AKR1C4: variants seen among roughly 807,000 people sequenced by gnomAD.
The protein encoded by AKR1C4 is aldo-keto reductase family 1 member C4.
Under a neutral mutation model 41.0 loss-of-function variants are expected in AKR1C4, and 44 were observed. That is an observed-to-expected ratio of 1.07 (90% CI 0.84 to 1.38). The LOEUF (loss-of-function observed/expected upper bound fraction) is 1.38. Ranked by LOEUF, AKR1C4 falls within the 40% of genes most tolerant of loss-of-function variation. The pLI, the probability that AKR1C4 is intolerant of heterozygous loss-of-function variation, is 0.00. For missense variants in AKR1C4, 438 were observed against 387.9 expected (o/e 1.13, Z -1.09); for synonymous variants, 165 against 137.7 (o/e 1.20, Z -1.39).
intron 8 of AKR1C4, among the ~76,000 whole-genome samples, chr10:5,218,318 AC>A (rs1209569824): frequency 2.0e-5 from 3 of 152,202 alleles, no homozygotes; most frequent in Non-Finnish European, 4.4e-5. Flanking sequence ...ATAACATTTA[AC>A]CCTCAAAACT....
chr10:5,210,476 C>T (rs1353557663), intron 5 of AKR1C4, among the ~76,000 whole-genome samples: 1 of 152,204 alleles, frequency 6.6e-6, no homozygotes, highest in Non-Finnish European at 1.5e-5. Flanking sequence ...GGGGCTCTGA[C>T]CCCAGAGCAC....
At chr10:5,197,327 A>C (rs1190728072) in intron 1 of AKR1C4, among the ~76,000 whole-genome samples, 1 of 152,164 alleles carries the variant, frequency 6.6e-6, no homozygotes, top group Non-Finnish European at 1.5e-5. Flanking sequence ...GAAATCTTTT[A>C]TTCTTCTACT....
chr10:5,202,135 T>C (rs566599855), intron 2 of AKR1C4, among the ~76,000 whole-genome samples: 1 of 152,264 alleles, frequency 6.6e-6, no homozygotes, highest in East Asian at 1.9e-4. Context: ...TTTTATACTA[T>C]TGATTCTTTC....
At chr10:5,207,746 T>C in intron 5 of AKR1C4, 1 of 452,274 alleles carries the variant, frequency 2.2e-6, no homozygotes, top group Non-Finnish European at 4.3e-6. Flanking sequence ...TATAAAAAGA[T>C]GAATATGATA....
chr10:5,215,173 A>G (rs1407084478), intron 7 of AKR1C4, among the ~76,000 whole-genome samples: 1 of 152,176 alleles, frequency 6.6e-6, no homozygotes, highest in Non-Finnish European at 1.5e-5. Context: ...TAAGATTCGG[A>G]AGAATCTGGA....
intron 2 of AKR1C4, among the ~76,000 whole-genome samples, chr10:5,202,830 C>A (rs1187525532): frequency 6.6e-6 from 1 of 151,820 alleles, no homozygotes; most frequent in Non-Finnish European, 1.5e-5. Flanking sequence ...GGGATGAAAC[C>A]CACTTGATCA....
chr10:5,207,012 C>CA (rs1202289467), intron 5 of AKR1C4, among the ~76,000 whole-genome samples: 1 of 152,170 alleles, frequency 6.6e-6, no homozygotes. Context: ...GTGCTACCCC[C>CA]ACCCCTGCCT....
At chr10:5,198,652 C>G (rs552446657) in intron 1 of AKR1C4, among the ~76,000 whole-genome samples, 4 of 152,108 alleles carry the variant, frequency 2.6e-5, no homozygotes, top group Non-Finnish European at 4.4e-5. Flanking sequence ...GAACTTACAC[C>G]GTATTCTTAC....
chr10:5,214,251 T>C (rs1386254186), intron 7 of AKR1C4, among the ~76,000 whole-genome samples: 9 of 152,212 alleles, frequency 5.9e-5, no homozygotes, highest in African/African-American at 1.9e-4. Flanking sequence ...TCATCCTAAG[T>C]GTCCATAAGT....
chr10:5,213,414 G>T (rs928228614), intron 7 of AKR1C4, among the ~76,000 whole-genome samples: 1 of 151,884 alleles, frequency 6.6e-6, no homozygotes, highest in Non-Finnish European at 1.5e-5. Flanking sequence ...CCTCTGCTAG[G>T]GACATCACCT....
intron 7 of AKR1C4, among the ~76,000 whole-genome samples, chr10:5,214,682 C>T: frequency 6.6e-6 from 1 of 152,086 alleles, no homozygotes; most frequent in South Asian, 2.1e-4. Context: ...CTTTGGATAA[C>T]TTTTTTTGAG....
At chr10:5,202,071 G>T (rs1163343742) in intron 2 of AKR1C4, among the ~76,000 whole-genome samples, 2 of 151,984 alleles carry the variant, frequency 1.3e-5, no homozygotes, top group African/African-American at 2.4e-5. Context: ...GCTTAGTATT[G>T]CCTTGGCTAT....
At chr10:5,205,698 A>C in intron 3 of AKR1C4, 59 bp from the exon 4 acceptor site, 148 of 1,379,014 alleles carry the variant, frequency 1.1e-4, no homozygotes, top group Middle Eastern at 1.8e-4. Flanking sequence ...TGTACATGGG[A>C]GCATGCCTAT....
intron 1 of AKR1C4, among the ~76,000 whole-genome samples, chr10:5,197,865 AC>A: frequency 6.6e-6 from 1 of 152,330 alleles, no homozygotes; most frequent in East Asian, 1.9e-4. Context: ...GAAAAGCACA[AC>A]ACGGAAGCTC....
At chr10:5,206,079 A>C (rs912826715) in intron 4 of AKR1C4, among the ~76,000 whole-genome samples, 196 bp from the exon 5 acceptor site, 4 of 152,208 alleles carry the variant, frequency 2.6e-5, no homozygotes, top group African/African-American at 9.7e-5. Context: ...TTATCTCTCC[A>C]GCTTCCTAAA....
At chr10:5,207,049 C>T (rs12252186) in intron 5 of AKR1C4, 3,959 of 153,764 alleles carry the variant, frequency 0.026, 166 homozygotes, top group African/African-American at 0.087. Flanking sequence ...CCAATGTTGC[C>T]TCATTTAGAC....
chr10:5,204,614 TATA>T, intron 3 of AKR1C4, 121 bp downstream of exon 3: 2 of 835,720 alleles, frequency 2.4e-6, no homozygotes, highest in Non-Finnish European at 4.2e-6. Flanking sequence ...GAGTCCTAAG[TATA>T]ATGCCTAAGC....
At position 5,216,684 on chromosome 10, in the gene AKR1C4, A is replaced by G. The variant is rs536931267; in HGVS notation, c.847-27A>G. The G allele has an allele frequency of 1.3e-5, 21 of 1,556,650 alleles. No homozygotes were observed. In the African/African-American group the frequency reaches 2.7e-4, roughly 20 times the overall value. ...CAAGTTGACAATTATGCAATCTAAG[A>G]ATAAACATTTTCTACTTCTTTGGTA... is the stretch of plus-strand genomic sequence containing the variant. On this transcript the variant is annotated intron_variant, in intron 7 of 8. Coordinates refer to ENST00000263126, the MANE Select transcript of AKR1C4 (RefSeq NM_001818.5).
At position 5,204,475 on chromosome 10, in the gene AKR1C4, T is replaced by C; in HGVS notation, c.351T>C (p.His117=). 6.2e-7 allele frequency: 1 copy of C among 1,612,374 alleles called. No homozygotes were observed. Among genetic ancestry groups the C allele is most frequent in the Non-Finnish European group, 8.5e-7 (1 of 1,178,412 alleles). Residue 117 remains histidine, a synonymous_variant, in exon 3 of 9, where the codon CAT becomes CAC. Coordinates refer to ENST00000263126, the MANE Select transcript of AKR1C4 (RefSeq NM_001818.5). ...QLDYVDLYLL[H]FPMALKPGET... ...ACTATGTTGACCTCTATCTTCTTCATTTCCCAATGGCTCTCAAGGTAGGGA... is the reference window on the plus strand; with the variant it reads ...ACTATGTTGACCTCTATCTTCTTCACTTCCCAATGGCTCTCAAGGTAGGGA...
Sources: allele counts gnomAD v4.1 joint callset (sites outside exome capture counted in the v4.1 genomes callset), GRCh38; gene constraint gnomAD v4.1.1; transcripts MANE v1.5; gene names NCBI Gene and HGNC (gene_info 2026-07-23, HGNC 2026-07-21).